Variants in PLCL2 observed in about 807,000 individuals in gnomAD.
PLCL2 encodes inactive phospholipase C-like protein 2.
A neutral mutation model predicts 79.6 loss-of-function variants in PLCL2; 4 were observed. The ratio of observed to expected loss-of-function variants is 0.05; its 90% CI spans 0.02 to 0.11. PLCL2 has a LOEUF of 0.11. Among genes scored for constraint, PLCL2 ranks in the 10% least tolerant of loss-of-function variants. The pLI, the probability that PLCL2 is intolerant of heterozygous loss-of-function variation, is 1.00. For synonymous variants in PLCL2, 484 were observed against 457.7 expected (o/e 1.06, Z -0.73); for missense variants, 895 against 1,291.0 (o/e 0.69, Z 4.70).
intron 1 of PLCL2, among the ~76,000 whole-genome samples, chr3:16,975,937 T>C (rs936458692): frequency 1.3e-5 from 2 of 152,126 alleles, no homozygotes; most frequent in Admixed American, 6.5e-5. Context: ...CTGCTGGTGG[T>C]ACTCTGTATT....
chr3:17,028,471 CT>C (rs889468001), intron 3 of PLCL2, among the ~76,000 whole-genome samples: 123 of 145,064 alleles, frequency 8.5e-4, no homozygotes, highest in African/African-American at 2.6e-3. Context: ...TAGCTTGATC[CT>C]TTTTTTTTTC....
intron 4 of PLCL2, among the ~76,000 whole-genome samples, chr3:17,066,555 T>G (rs1478343352): frequency 6.6e-6 from 1 of 152,220 alleles, no homozygotes. Context: ...TGCAAAAGAA[T>G]GTACAAAATG....
At chr3:17,034,548 C>G (rs2064621838) in intron 3 of PLCL2, among the ~76,000 whole-genome samples, 1 of 152,162 alleles carries the variant, frequency 6.6e-6, no homozygotes, top group Admixed American at 6.6e-5. Flanking sequence ...AATACACCAC[C>G]ACTATGACTA....
At chr3:16,958,929 C>G (rs775484742) in intron 1 of PLCL2, among the ~76,000 whole-genome samples, 9 of 152,304 alleles carry the variant, frequency 5.9e-5, no homozygotes, top group Middle Eastern at 3.4e-3. Context: ...TCGAGTCCCT[C>G]TTTTGGGATT....
rs547828771 is a variant in PLCL2 at position 16,935,026 on chromosome 3, C to T, written c.327+49660C>T. Among the ~76,000 whole-genome samples the T allele has an allele frequency of 1.1e-4, 17 of 152,314 alleles. No individual in the cohort carries two copies. The South Asian group carries it at 3.3e-3, about 30-fold the overall frequency. ...CAAATTGCCTCCAGAAAGGCTAATA[C>T]GCCAATTGTCCATTACCAATTAGGG... On this transcript the variant is annotated intron_variant, in intron 1 of 5. Transcript: ENST00000615277.
intron 3 of PLCL2, among the ~76,000 whole-genome samples, chr3:17,041,780 A>C (rs1414530769): frequency 6.6e-6 from 1 of 152,102 alleles, no homozygotes; most frequent in Non-Finnish European, 1.5e-5. Flanking sequence ...CCATCTCTAC[A>C]GAAAATTTTA....
chr3:17,015,838 A>G (rs2064378045), intron 3 of PLCL2, among the ~76,000 whole-genome samples: 1 of 152,262 alleles, frequency 6.6e-6, no homozygotes, highest in South Asian at 2.1e-4. Context: ...TGACTGTTTC[A>G]TAAGTTGTCT....
At chr3:16,955,174 T>A (rs2063692544) in intron 1 of PLCL2, among the ~76,000 whole-genome samples, 1 of 152,258 alleles carries the variant, frequency 6.6e-6, no homozygotes. Context: ...AACATGTAAG[T>A]CTTTAATCCA....
At chr3:16,904,430 A>G (rs552449529) in intron 1 of PLCL2, among the ~76,000 whole-genome samples, 11 of 152,222 alleles carry the variant, frequency 7.2e-5, no homozygotes, top group Non-Finnish European at 2.9e-5. Context: ...GTTTTAAAAA[A>G]GGGAAAACTG....
intron 4 of PLCL2, among the ~76,000 whole-genome samples, chr3:17,064,089 A>C (rs1029676560): frequency 6.6e-6 from 1 of 152,206 alleles, no homozygotes; most frequent in Non-Finnish European, 1.5e-5. Context: ...TCTTTGCTGA[A>C]AATAATTTGA....
intron 1 of PLCL2, among the ~76,000 whole-genome samples, chr3:16,962,140 T>A (rs1335007613): frequency 2.0e-5 from 3 of 152,192 alleles, no homozygotes; most frequent in African/African-American, 7.2e-5. Flanking sequence ...ATTTTCCTCT[T>A]ATGGCAGTAC....
chr3:16,968,804 G>A (rs1436907647), intron 1 of PLCL2, among the ~76,000 whole-genome samples: 1 of 151,698 alleles, frequency 6.6e-6, no homozygotes, highest in African/African-American at 2.4e-5. Context: ...TGGTGGGAAT[G>A]AGTGTCCTTG....
At position 16,966,181 on chromosome 3, in the gene PLCL2, A is replaced by G. The variant is rs186684912; in HGVS notation, c.328-43493A>G. On this transcript the variant is annotated intron_variant, in intron 1 of 5. Coordinates refer to ENST00000615277, the MANE Select transcript of PLCL2 (RefSeq NM_001144382.2). ...GTCATAAATAGCTCTTATTATTTTG[A>G]GATACATCCCATCAATACTGAACTT... Among the ~76,000 whole-genome samples, 171 of 143,570 alleles carry G rather than the reference A, an allele frequency of 1.2e-3. 4 individuals carry two copies. Among genetic ancestry groups the G allele is most frequent in the Admixed American group, 0.011 (155 of 14,400 alleles). The allele number at this position is 143,570 out of a possible 152,430, so 94.2% of individuals were successfully genotyped here.
chr3:17,037,758 C>G (rs2064673136), intron 3 of PLCL2, among the ~76,000 whole-genome samples: 1 of 152,140 alleles, frequency 6.6e-6, no homozygotes, highest in South Asian at 2.1e-4. Context: ...AATCTGTGTT[C>G]TTAAGATGAA....
intron 1 of PLCL2, among the ~76,000 whole-genome samples, chr3:16,978,846 T>C (rs989839286): frequency 1.3e-5 from 2 of 152,368 alleles, no homozygotes; most frequent in Middle Eastern, 3.4e-3. Flanking sequence ...TGAAGCAGAC[T>C]TTGCCCTTTG....
chr3:17,025,417 G>C (rs2064506412), intron 3 of PLCL2, among the ~76,000 whole-genome samples: 1 of 152,160 alleles, frequency 6.6e-6, no homozygotes. Context: ...TGTTAGTGGT[G>C]AGACATGGGT....
At chr3:16,985,120 A>G (rs2064036028) in intron 1 of PLCL2, among the ~76,000 whole-genome samples, 2 of 152,184 alleles carry the variant, frequency 1.3e-5, no homozygotes, top group South Asian at 2.1e-4. Context: ...TCTTCGTTCA[A>G]GTATGTAGTA....
intron 1 of PLCL2, among the ~76,000 whole-genome samples, chr3:16,979,794 C>T (rs1418195894): frequency 1.3e-5 from 2 of 149,478 alleles, no homozygotes; most frequent in African/African-American, 4.9e-5. Flanking sequence ...ACCTTTCCCC[C>T]CTTTCTATTC....
intron 3 of PLCL2, among the ~76,000 whole-genome samples, chr3:17,023,964 G>A (rs1382662781): frequency 2.0e-5 from 3 of 152,130 alleles, no homozygotes; most frequent in Non-Finnish European, 4.4e-5. Context: ...TGAGACTGTT[G>A]AAGCCACCCA....
Sources: gnomAD v4.1 joint callset for allele counts (sites outside exome capture counted in the v4.1 genomes callset) on GRCh38, gnomAD v4.1.1 for gene constraint, MANE v1.5 for transcripts, NCBI Gene and HGNC (gene_info 2026-07-23, HGNC 2026-07-21) for gene names.